CYTH3: variants seen among roughly 807,000 people sequenced by gnomAD.
CYTH3 encodes cytohesin 3.
In CYTH3, 23 loss-of-function variants were observed where a neutral mutation model predicts 55.1. The ratio of observed to expected loss-of-function variants is 0.42; its 90% confidence interval spans 0.30 to 0.59. The LOEUF is 0.59. Among genes scored for constraint, CYTH3 ranks in the 20% least tolerant of loss-of-function variants. CYTH3 has a pLI of 0.20. For missense variants in CYTH3, 413 were observed against 524.8 expected (o/e 0.79, Z 2.08); for synonymous variants, 249 against 194.9 (o/e 1.28, Z -2.31).
At chr7:6,265,549 G>A (rs1265706343) in intron 1 of CYTH3, among the ~76,000 whole-genome samples, 1 of 151,570 alleles carries the variant, frequency 6.6e-6, no homozygotes, top group Non-Finnish European at 1.5e-5. Context: ...AGCCCAGGAA[G>A]CGGATGTTGC....
chr7:6,183,854 A>C (rs760809691), intron 4 of CYTH3, among the ~76,000 whole-genome samples: 7 of 151,802 alleles, frequency 4.6e-5, no homozygotes, highest in Non-Finnish European at 8.8e-5. Flanking sequence ...TTGTGCCCTT[A>C]TAAGAACATC....
intron 1 of CYTH3, among the ~76,000 whole-genome samples, chr7:6,203,660 G>T (rs1784113048): frequency 6.6e-6 from 1 of 151,986 alleles, no homozygotes; most frequent in Non-Finnish European, 1.5e-5. Flanking sequence ...ACTGATTCAG[G>T]AGTTGGAATC....
intron 1 of CYTH3, among the ~76,000 whole-genome samples, chr7:6,214,173 C>G (rs571134113): frequency 1.3e-5 from 2 of 152,126 alleles, no homozygotes; most frequent in Non-Finnish European, 2.9e-5. Flanking sequence ...CGATGAGAGA[C>G]GGATAAACGG....
chr7:6,170,811 C>T lies in CYTH3; in HGVS notation c.711+19G>A, dbSNP rs758538852. ...AAGAGATCCTGCAGACGGCAGCGGC[C>T]GCGGGCCGGGGAGCTCACCCTCAGC... On this transcript the variant is annotated intron_variant, in intron 8 of 12. Coordinates refer to ENST00000350796, the MANE Select transcript of CYTH3 (RefSeq NM_004227.4). The surrounding 1 kb of genome is among the most constrained non-coding windows in gnomAD (Gnocchi z 7.8). The T allele has an allele frequency of 1.9e-6, 3 of 1,602,326 alleles. No individual in the cohort carries two copies. The highest frequency in any genetic ancestry group is 2.2e-5 in the East Asian group (1 of 44,476).
At chr7:6,268,094 T>G (rs1406196728) in intron 1 of CYTH3, among the ~76,000 whole-genome samples, 4 of 146,880 alleles carry the variant, frequency 2.7e-5, no homozygotes, top group African/African-American at 7.9e-5. Context: ...TCTGCATGCA[T>G]CAGCCATTAC....
At chr7:6,232,418 T>A (rs979201286) in intron 1 of CYTH3, among the ~76,000 whole-genome samples, 3 of 152,174 alleles carry the variant, frequency 2.0e-5, no homozygotes, top group Admixed American at 6.5e-5. Context: ...ATTCCCCTGC[T>A]CCTTCTAAGG....
At chr7:6,191,563 T>C (rs940652865) in intron 1 of CYTH3, among the ~76,000 whole-genome samples, 4 of 151,896 alleles carry the variant, frequency 2.6e-5, no homozygotes, top group African/African-American at 9.7e-5. Context: ...CAGGAGAATT[T>C]TTTTTATAAT....
At chr7:6,180,338 G>A (rs1209570502) in intron 4 of CYTH3, among the ~76,000 whole-genome samples, 1 of 152,218 alleles carries the variant, frequency 6.6e-6, no homozygotes, top group Non-Finnish European at 1.5e-5. Flanking sequence ...AATGCTATCT[G>A]GCAGGTGACA....
chr7:6,185,192 G>A (rs1461031638), intron 4 of CYTH3, among the ~76,000 whole-genome samples: 8 of 152,206 alleles, frequency 5.3e-5, no homozygotes, highest in Admixed American at 1.3e-4. Context: ...TGCCCCATAA[G>A]CAGAGAACCA....
At chr7:6,236,918 G>T (rs189736229) in intron 1 of CYTH3, among the ~76,000 whole-genome samples, 1 of 152,188 alleles carries the variant, frequency 6.6e-6, no homozygotes, top group African/African-American at 2.4e-5. Flanking sequence ...GTTTCAAAGA[G>T]ATTTTCAAAA....
chr7:6,205,457 C>T (rs1421331314), intron 1 of CYTH3, among the ~76,000 whole-genome samples: 1 of 151,954 alleles, frequency 6.6e-6, no homozygotes, highest in African/African-American at 2.4e-5. Flanking sequence ...GCCTGTAATC[C>T]CAGCTACTCG....
intron 1 of CYTH3, among the ~76,000 whole-genome samples, chr7:6,200,199 A>G (rs1175702034): frequency 6.6e-6 from 1 of 152,256 alleles, no homozygotes; most frequent in Non-Finnish European, 1.5e-5. Context: ...TTCAAGTTAT[A>G]TTATTAATCT....
chr7:6,181,215 A>T (rs901583825), intron 4 of CYTH3, among the ~76,000 whole-genome samples: 6 of 152,210 alleles, frequency 3.9e-5, no homozygotes, highest in African/African-American at 1.4e-4. Context: ...TTAAACAATA[A>T]ATTTCTCACT....
chr7:6,224,831 A>G (rs1375039975), intron 1 of CYTH3, among the ~76,000 whole-genome samples: 2 of 152,260 alleles, frequency 1.3e-5, no homozygotes, highest in Non-Finnish European at 2.9e-5. Context: ...GGATGAATGG[A>G]TAACACTTGT....
chr7:6,172,517 A>G (rs1355576292), intron 6 of CYTH3, among the ~76,000 whole-genome samples: 1 of 151,972 alleles, frequency 6.6e-6, no homozygotes, highest in African/African-American at 2.4e-5. Flanking sequence ...CTCAGGACAA[A>G]AGCTAACATC....
chr7:6,254,799 T>A (rs1283070791), intron 1 of CYTH3, among the ~76,000 whole-genome samples: 1 of 152,304 alleles, frequency 6.6e-6, no homozygotes, highest in Admixed American at 6.5e-5. Flanking sequence ...ACACAAATTG[T>A]AATACAAAGA....
At chr7:6,257,651 T>A (rs1043453458) in intron 1 of CYTH3, among the ~76,000 whole-genome samples, 1 of 152,228 alleles carries the variant, frequency 6.6e-6, no homozygotes, top group African/African-American at 2.4e-5. Context: ...GGTTAATGAA[T>A]ATTTATGGCA....
intron 1 of CYTH3, among the ~76,000 whole-genome samples, chr7:6,203,397 T>C (rs1427445296): frequency 6.6e-6 from 1 of 152,220 alleles, no homozygotes; most frequent in Non-Finnish European, 1.5e-5. Flanking sequence ...TGCTACTCCT[T>C]AACGTTTCAT....
rs1331277344 is a variant in CYTH3 at position 6,259,750 on chromosome 7, A to G, written c.34+12724T>C. ...TTTTACATACATATATATAATATAT[A>G]TATATATTATATATATATATATTAT... On this transcript the variant is annotated intron_variant, in intron 1 of 12. Transcript: ENST00000350796. Among the ~76,000 whole-genome samples, 3 of 11,850 alleles carry G rather than the reference A, an allele frequency of 2.5e-4. 1 individual carries two copies. Among genetic ancestry groups the G allele is most frequent in the African/African-American group, 9.6e-4 (3 of 3,136 alleles). The allele number at this position is 11,850 out of a possible 152,430, so 7.8% of individuals were successfully genotyped here.
Sources: gnomAD v4.1 joint callset for allele counts (sites outside exome capture counted in the v4.1 genomes callset) on GRCh38, gnomAD v4.1.1 for gene constraint, Gnocchi (gnomAD v3.1) non-coding constraint, MANE v1.5 for transcripts, NCBI Gene and HGNC (gene_info 2026-07-23, HGNC 2026-07-21) for gene names.